TOM1L2: variants seen among roughly 807,000 people sequenced by gnomAD.
The protein encoded by TOM1L2 is target of myb1 like 2 membrane trafficking protein.
In TOM1L2, 31 loss-of-function variants were observed where a neutral mutation model predicts 67.9. That is an observed-to-expected ratio of 0.46 (90% CI 0.34 to 0.62). The LOEUF (loss-of-function observed/expected upper bound fraction) is 0.62. Among genes scored for constraint, TOM1L2 ranks in the 20% least tolerant of loss-of-function variants. TOM1L2 has a pLI of 0.01. For missense variants in TOM1L2, 606 were observed against 663.5 expected, an observed-to-expected ratio of 0.91 and a Z score of 0.95; for synonymous variants, 256 against 254.0, an observed-to-expected ratio of 1.01 and a Z score of -0.07.
intron 10 of TOM1L2, among the ~76,000 whole-genome samples, chr17:17,865,806 G>A (rs1270751275): frequency 7.1e-6 from 1 of 140,842 alleles, no homozygotes; most frequent in Non-Finnish European, 1.5e-5. Flanking sequence ...GTGCAATGAT[G>A]CGATATCGGC....
rs201202809 is a variant in TOM1L2 at position 17,862,817 on chromosome 17, G to A, written c.1116C>T (p.Leu372=). Residue 372 remains leucine, a synonymous_variant, in exon 11 of 15, where the codon CTC becomes CTT. Transcript: ENST00000379504. ...GGGGATTACATTGCTGGAGTGAACT[G>A]AGGGTGCCACTGACGCTCTCTGTCC... The part of the protein sequence containing the change: ...DLGTESVSGT[L]SSLQQCNPRD... 175 of 1,614,104 alleles carry A rather than the reference G, an allele frequency of 1.1e-4. No homozygotes were observed. Among genetic ancestry groups the A allele is most frequent in the Non-Finnish European group, 1.3e-4 (155 of 1,180,056 alleles).
intron 6 of TOM1L2, among the ~76,000 whole-genome samples, chr17:17,882,158 C>T (rs977036743): frequency 1.2e-4 from 18 of 152,254 alleles, no homozygotes; most frequent in Middle Eastern, 3.4e-3. Flanking sequence ...AGGAGGGCCT[C>T]CCTGATCAGG....
intron 12 of TOM1L2, among the ~76,000 whole-genome samples, chr17:17,854,038 C>T (rs1453772732): frequency 2.0e-5 from 3 of 152,140 alleles, no homozygotes; most frequent in African/African-American, 7.2e-5. Flanking sequence ...GGCCTCAGGG[C>T]GTGAACCATG....
At chr17:17,858,121 G>A (rs1273221026) in intron 12 of TOM1L2, 1 of 310,642 alleles carries the variant, frequency 3.2e-6, no homozygotes. Flanking sequence ...ACAGAAGGTT[G>A]ACCAGAGCCG....
intron 1 of TOM1L2, among the ~76,000 whole-genome samples, chr17:17,952,264 G>A (rs1384510249): frequency 2.0e-5 from 3 of 151,404 alleles, no homozygotes; most frequent in Admixed American, 2.0e-4. Flanking sequence ...TTATACAAAA[G>A]AAACTTCATG....
intron 2 of TOM1L2, among the ~76,000 whole-genome samples, chr17:17,899,635 G>A (rs2038746604): frequency 6.6e-6 from 1 of 152,204 alleles, no homozygotes; most frequent in Non-Finnish European, 1.5e-5. Flanking sequence ...AGCTGCCCCT[G>A]GCACAAAGCC....
chr17:17,912,164 G>A (rs1301344194), intron 1 of TOM1L2, among the ~76,000 whole-genome samples: 4 of 151,974 alleles, frequency 2.6e-5, no homozygotes, highest in South Asian at 2.1e-4. Context: ...TCAATGAGCC[G>A]CTGGGCACAC....
Position 17,866,305 on chromosome 17 carries a change from C to A in TOM1L2, c.1075G>T (p.Ala359Ser). 1.2e-6 allele frequency: 2 copies of A among 1,612,684 alleles called. No individual in the cohort carries two copies. The highest frequency in any genetic ancestry group is 1.7e-6 in the Non-Finnish European group (2 of 1,179,440). The change falls in exon 10 of 15, where the codon GCA becomes TCA. Residue 359 changes from alanine (A) to serine (S), a missense_variant. Ala to Ser is a moderately conservative substitution (Grantham distance 99, BLOSUM62 1). This residue lies in a region of TOM1L2 where 543 missense variants were observed against 554.0 expected (regional missense o/e 0.98). Coordinates refer to ENST00000379504, the MANE Select transcript of TOM1L2 (RefSeq NM_001082968.2). ...CCTGTGAGACACTCACCTAAGCCTG[C>A]AAGCTGGGAGGAGAGGGAAGATGGG... ...APPSSLSSQL[A>S]GLDLGTESVS... is the part of the protein sequence containing the mutation.
intron 1 of TOM1L2, among the ~76,000 whole-genome samples, chr17:17,956,922 T>A (rs1466601538): frequency 6.6e-6 from 1 of 152,202 alleles, no homozygotes; most frequent in Non-Finnish European, 1.5e-5. Context: ...GTTCTCACAG[T>A]GCAGCGGCGG....
intron 12 of TOM1L2, among the ~76,000 whole-genome samples, chr17:17,852,864 TAAAAAAAA>T (rs552138706): frequency 2.1e-4 from 8 of 37,728 alleles, no homozygotes; most frequent in Non-Finnish European, 3.7e-4. Context: ...AAACTCTGTC[TAAAAAAAA>T]AAAAAAAAAA....
At chr17:17,859,907 G>C (rs983704113) in intron 12 of TOM1L2, 2 of 152,314 alleles carry the variant, frequency 1.3e-5, no homozygotes, top group Non-Finnish European at 1.5e-5. Context: ...CTACTGCTGG[G>C]TGGAAAACCT....
intron 1 of TOM1L2, among the ~76,000 whole-genome samples, chr17:17,923,209 C>G (rs1021986924): frequency 6.6e-6 from 1 of 152,026 alleles, no homozygotes; most frequent in Non-Finnish European, 1.5e-5. Context: ...ACCAGCCTGG[C>G]CAACTTGATG....
intron 1 of TOM1L2, among the ~76,000 whole-genome samples, chr17:17,960,766 G>A (rs2041645809): frequency 6.6e-6 from 1 of 152,166 alleles, no homozygotes; most frequent in South Asian, 2.1e-4. Context: ...CAGAATTGTT[G>A]TGGGAATTAA....
intron 1 of TOM1L2, among the ~76,000 whole-genome samples, chr17:17,971,957 C>T (rs1220906671): frequency 2.6e-5 from 4 of 151,672 alleles, no homozygotes; most frequent in African/African-American, 9.7e-5. Flanking sequence ...CCAGCCCCCC[C>T]GGGAGGTGGC....
chr17:17,861,585 T>C (rs1305996910), intron 11 of TOM1L2, 34 bp from the exon 12 acceptor site: 1 of 1,603,726 alleles, frequency 6.2e-7, no homozygotes, highest in African/African-American at 1.3e-5. Context: ...GCAGAGTTCA[T>C]TTTCCTCCAG....
chr17:17,904,481 A>G (rs995576463), intron 2 of TOM1L2, among the ~76,000 whole-genome samples: 2 of 152,190 alleles, frequency 1.3e-5, no homozygotes, highest in African/African-American at 4.8e-5. Context: ...AAAGATCAGC[A>G]GGGTTGAAGA....
intron 6 of TOM1L2, among the ~76,000 whole-genome samples, chr17:17,881,093 C>A (rs569458316): frequency 1.3e-4 from 20 of 152,308 alleles, no homozygotes; most frequent in Non-Finnish European, 2.1e-4. Context: ...GAGCTTTATA[C>A]CCTCAGCACA....
At chr17:17,883,999 A>C (rs2037863499) in intron 5 of TOM1L2, among the ~76,000 whole-genome samples, 2 of 152,092 alleles carry the variant, frequency 1.3e-5, no homozygotes, top group African/African-American at 4.8e-5. Context: ...AGAAACCATG[A>C]GGCATGACCT....
rs2035595395 is a variant in TOM1L2 at position 17,845,465 on chromosome 17, C to T, written c.*2170G>A. 6.6e-6 allele frequency: 1 copy of T among 152,282 alleles called. No homozygotes were observed. The highest frequency in any genetic ancestry group is 2.4e-5 in the African/African-American group (1 of 41,476). The allele number at this position is 152,282 out of a possible 1,614,324, so 9.4% of individuals were successfully genotyped here. A position where few individuals can be genotyped will look rare whatever the true frequency, so the allele number is the denominator to read the frequency against. ...TTCACGCACTATGGAATCCCTGCTC[C>T]TTTCAGAGCCTCCAGGCTCCTGACT... is the stretch of plus-strand genomic sequence containing the variant. On this transcript the variant is annotated 3_prime_UTR_variant, in exon 15 of 15. Transcript: ENST00000379504.
Sources: allele counts gnomAD v4.1 joint callset (sites outside exome capture counted in the v4.1 genomes callset), GRCh38; gene constraint gnomAD v4.1.1; regional missense constraint gnomAD v4.1.1; transcripts MANE v1.5; gene names NCBI Gene and HGNC (gene_info 2026-07-23, HGNC 2026-07-21).